SPAG8: variants seen among roughly 807,000 people sequenced by gnomAD.
SPAG8 encodes the protein sperm-associated antigen 8.
A neutral mutation model predicts 45.3 loss-of-function variants in SPAG8; 36 were observed. The observed-to-expected ratio is 0.80, with a 90% confidence interval of 0.61 to 1.05. SPAG8 has a LOEUF of 1.05. SPAG8 is among the 50% of genes least tolerant of loss of function. The probability of loss-of-function intolerance (pLI) is 0.00; values close to 1 mark genes in which losing one functional copy is unlikely to be tolerated. For synonymous variants in SPAG8, 227 were observed against 232.6 expected (o/e 0.98, Z 0.22); for missense variants, 573 against 609.2 (o/e 0.94, Z 0.63).
intron 6 of SPAG8, 33 bp from the exon 7 acceptor site, chr9:35,810,165 C>T (rs371019018): frequency 7.7e-5 from 123 of 1,607,764 alleles, no homozygotes; most frequent in Admixed American, 1.5e-4. Flanking sequence ...ATGGATCCCA[C>T]TCTCCCCAAG....
Position 35,810,915 on chromosome 9 carries a change from T to C in SPAG8, c.1007A>G (p.Gln336Arg), listed in dbSNP as rs773300688. The C allele has an allele frequency of 6.2e-7, 1 of 1,613,924 alleles. No individual in the cohort carries two copies. The highest frequency in any genetic ancestry group is 8.5e-7 in the Non-Finnish European group (1 of 1,179,946). ...TGGCCAATAGACGTTTCCTGGTGGCTGGTACGAGTCTTTCTGGGTGGTGCT... is the reference window on the plus strand; with the variant it reads ...TGGCCAATAGACGTTTCCTGGTGGCCGGTACGAGTCTTTCTGGGTGGTGCT... ...PSSTTQKDSY[Q>R]PPGNVYWPLR... The change falls in exon 3 of 7, where the codon CAG becomes CGG. Residue 336 changes from glutamine to arginine, a missense_variant. Physicochemically the swap from Gln to Arg is conservative, Grantham distance 43. Coordinates refer to ENST00000396638, the MANE Select transcript of SPAG8 (RefSeq NM_001039592.2).
rs141970160 is a variant in SPAG8 at position 35,811,619 on chromosome 9, A to G, written c.427T>C (p.Ser143Pro). 24 of 1,614,064 alleles carry G rather than the reference A, an allele frequency of 1.5e-5. No homozygotes were observed. Among genetic ancestry groups the G allele is most frequent in the Non-Finnish European group, 1.9e-5 (23 of 1,180,008 alleles). Residue 143 changes from serine to proline, a missense_variant, in exon 2 of 7, where the codon TCT becomes CCT. Ser to Pro is a moderately conservative substitution (Grantham distance 74). Transcript: ENST00000396638. ...SNPGPVPGSS[S>P]GPVLGSSSGA... is the part of the protein sequence containing the mutation. ...GAGCTGGAACCAAGAACAGGCCCAG[A>G]GCTAGAGCCTGGAACAGGGCCAGGA... is the stretch of plus-strand genomic sequence containing the variant.
At chr9:35,808,703 C>T (rs763867588), downstream of SPAG8, 2 of 1,613,202 alleles carry the variant, frequency 1.2e-6, no homozygotes, top group East Asian at 4.5e-5. This position sits in a 1 kb window ranked among gnomAD's most constrained non-coding sequence, Gnocchi z 4.0. Flanking sequence ...ACTCTCACTC[C>T]AGCCCTAGTC....
intron 5 of SPAG8, 36 bp downstream of exon 5, chr9:35,810,403 G>A: frequency 6.2e-7 from 1 of 1,608,710 alleles, no homozygotes; most frequent in Non-Finnish European, 8.5e-7. Flanking sequence ...GAGCCCAGCT[G>A]GTGCAAGTGG....
At position 35,811,588 on chromosome 9, in the gene SPAG8, G is replaced by A; in HGVS notation, c.458C>T (p.Ala153Val). The A allele has an allele frequency of 6.2e-7, 1 of 1,613,822 alleles. No homozygotes were observed. The highest frequency in any genetic ancestry group is 1.1e-5 in the South Asian group (1 of 91,048). Residue 153 changes from alanine (A) to valine (V), a missense_variant, in exon 2 of 7, where the codon GCT (alanine) becomes GTT (valine). Coordinates refer to ENST00000396638, the MANE Select transcript of SPAG8 (RefSeq NM_001039592.2). Reference protein sequence around the residue: ...SGPVLGSSSGAGHGSGSGSGP... With the variant: ...SGPVLGSSSGVGHGSGSGSGP... The stretch of plus-strand genomic sequence containing the variant: ...AGAGCCAGAGCCAGAGCCATGGCCA[G>A]CACCTGAGCTGGAACCAAGAACAGG...
Position 35,811,753 on chromosome 9 carries a change from G to T in SPAG8, c.293C>A (p.Ala98Glu), listed in dbSNP as rs575184259. The T allele has an allele frequency of 6.8e-6, 11 of 1,614,236 alleles. No individual in the cohort carries two copies. The African/African-American group carries it at 1.3e-4, about 20-fold the overall frequency. ...TATATTGTGGGTAAAGCCGGGTCCC[G>T]CACAGGGCTCCCCAAGAAGGCTGGG... ...SDPSLLGEPC[A>E]GPGFTHNIAH... The change falls in exon 2 of 7, where the codon GCG becomes GAG. Residue 98 changes from alanine (A) to glutamate (E), a missense_variant. Transcript: ENST00000396638.
rs138285220 is a variant in SPAG8, at chr9:35,810,676, C to A, written c.1046G>T (p.Arg349Leu). Residue 349 changes from arginine (R) to leucine (L), a missense_variant, in exon 4 of 7, where the codon CGT becomes CTT. Coordinates refer to ENST00000396638, the MANE Select transcript of SPAG8 (RefSeq NM_001039592.2). ...CAGGAGCATCTCCAGCATGGCTTCA[C>A]GCTTCCCTGTGAGAGAGTTGGGGGG... ...GNVYWPLRGK[R>L]EAMLEMLLQH... The A allele has an allele frequency of 5.0e-6, 8 of 1,614,028 alleles. No individual in the cohort carries two copies. In the South Asian group the frequency reaches 8.8e-5, roughly 18 times the overall value.
Position 35,812,149 on chromosome 9 carries a change from T to C in SPAG8, c.-2A>G, listed in dbSNP as rs768227653. The C allele has an allele frequency of 1.1e-5, 17 of 1,605,354 alleles. No individual in the cohort carries two copies. Among genetic ancestry groups the C allele is most frequent in the South Asian group, 8.8e-5 (8 of 91,082 alleles). The stretch of plus-strand genomic sequence containing the variant: ...CTCCGTAGACTCGTTGGTCTCCATC[T>C]TCAGACTCCAGCTACTGGGTTGCCA... On this transcript the variant is annotated 5_prime_UTR_variant, in exon 1 of 7. Coordinates refer to ENST00000396638, the MANE Select transcript of SPAG8 (RefSeq NM_001039592.2).
chr9:35,809,146 C>A (rs756247152), downstream of SPAG8: 5 of 1,610,982 alleles, frequency 3.1e-6, no homozygotes, highest in Non-Finnish European at 3.4e-6. The surrounding 1 kb of genome is among the most constrained non-coding windows in gnomAD (Gnocchi z 4.1). Context: ...CCCCATTCCA[C>A]CCACCCCAGC....
downstream of SPAG8, chr9:35,808,519 T>C (rs369313283): frequency 6.1e-5 from 98 of 1,614,058 alleles, no homozygotes; most frequent in South Asian, 1.6e-4. This position sits in a 1 kb window ranked among gnomAD's most constrained non-coding sequence, Gnocchi z 4.0. Context: ...GTGGAGACGA[T>C]TGGGGATGCT....
chr9:35,811,891 G>A lies in SPAG8; in HGVS notation c.155C>T (p.Ala52Val). Residue 52 changes from alanine (A) to valine (V), a missense_variant, in exon 2 of 7, where the codon GCA becomes GTA. Coordinates refer to ENST00000396638, the MANE Select transcript of SPAG8 (RefSeq NM_001039592.2). ...SALAAATAAAAAAASAAAATA... is the reference protein window; with the variant it reads ...SALAAATAAAVAAASAAAATA... Reference sequence around the variant, plus strand: ...AGCTGCAGCAGCTGATGCAGCCGCTGCAGCTGCTGCGGTTGCAGCTGCCAG... The same window carrying A: ...AGCTGCAGCAGCTGATGCAGCCGCTACAGCTGCTGCGGTTGCAGCTGCCAG... 6.2e-7 allele frequency: 1 copy of A among 1,610,070 alleles called. No homozygotes were observed. The highest frequency in any genetic ancestry group is 8.5e-7 in the Non-Finnish European group (1 of 1,177,154).
rs367777687 is a variant in SPAG8, at chr9:35,811,675, T to C, written c.371A>G (p.Asp124Gly). 5.0e-5 allele frequency: 81 copies of C among 1,614,012 alleles called. No homozygotes were observed. The highest frequency in any genetic ancestry group is 6.6e-5 in the Non-Finnish European group (78 of 1,180,032). Residue 124 changes from aspartate to glycine, a missense_variant, in exon 2 of 7, where the codon GAC becomes GGC. Transcript: ENST00000396638. Reference sequence around the variant, plus strand: ...ACTATGGTCAGTTGTAGTGCAAGTGTCCTGAGCAATACAGGAAACATAGAC... The same window carrying C: ...ACTATGGTCAGTTGTAGTGCAAGTGCCCTGAGCAATACAGGAAACATAGAC... ...EPVYVSCIAQ[D>G]TCTTTDHSSN... is the part of the protein sequence containing the mutation.
At chr9:35,808,229 A>G, downstream of SPAG8, 1 of 1,614,160 alleles carries the variant, frequency 6.2e-7, no homozygotes, top group Admixed American at 1.7e-5. The surrounding 1 kb of genome is among the most constrained non-coding windows in gnomAD (Gnocchi z 4.0). Flanking sequence ...TCCTGATGGC[A>G]GAGCCTATTT....
intron 6 of SPAG8, 27 bp downstream of exon 6, chr9:35,810,220 C>T: frequency 5.6e-6 from 9 of 1,613,580 alleles, no homozygotes; most frequent in Non-Finnish European, 7.6e-6. Context: ...CCCGCTCTGC[C>T]CCCAACACCT....
rs370172827 is a variant in SPAG8 at position 35,810,938 on chromosome 9, G to A, written c.984C>T (p.Ser328=). ...TMQLKSPMPS[S]TTQKDSYQPP... is the part of the protein sequence containing the mutation. ...GCTGGTACGAGTCTTTCTGGGTGGT[G>A]CTGGAGGGCATGGGTGACTTTAGTT... Residue 328 remains serine (S), a synonymous_variant, in exon 3 of 7, where the codon AGC becomes AGT. Transcript: ENST00000396638. 5 of 1,613,986 alleles carry A rather than the reference G, an allele frequency of 3.1e-6. No homozygotes were observed. Among genetic ancestry groups the A allele is most frequent in the Non-Finnish European group, 4.2e-6 (5 of 1,180,034 alleles).
In SPAG8 at chr9:35,811,984, G is replaced by C; in HGVS notation, c.62C>G (p.Pro21Arg). The stretch of plus-strand genomic sequence containing the variant: ...AGTGGGCCCCAGTCCTTCGGAGCTG[G>C]GCTGTATGTCTAAAGATCTGAAAGA... ...RSRSRSLDIQ[P>R]SSEGLGPTSE... The change falls in exon 2 of 7, where the codon CCC becomes CGC. Residue 21 changes from proline to arginine, a missense_variant. Transcript: ENST00000396638. The C allele has an allele frequency of 6.2e-7, 1 of 1,603,030 alleles. No individual in the cohort carries two copies. The highest frequency in any genetic ancestry group is 8.5e-7 in the Non-Finnish European group (1 of 1,173,262).
At position 35,810,105 on chromosome 9, in the gene SPAG8, T is replaced by G; in HGVS notation, c.1291A>C (p.Thr431Pro). The G allele has an allele frequency of 6.2e-7, 1 of 1,611,994 alleles. No homozygotes were observed. Among genetic ancestry groups the G allele is most frequent in the South Asian group, 1.1e-5 (1 of 90,710 alleles). Reference sequence around the variant, plus strand: ...AAGCTGCAGTTCTTCCGGAATGGTGTGTCCAATGTCCTGATGTTACTGACA... The same window carrying G: ...AAGCTGCAGTTCTTCCGGAATGGTGGGTCCAATGTCCTGATGTTACTGACA... ...PGVSNIRTLD[T>P]PFRKNCSFST... Residue 431 changes from threonine to proline, a missense_variant, in exon 7 of 7, where the codon ACA becomes CCA. Thr to Pro is a conservative substitution (Grantham distance 38, BLOSUM62 -1). Coordinates refer to ENST00000396638, the MANE Select transcript of SPAG8 (RefSeq NM_001039592.2).
At chr9:35,809,046 G>A, downstream of SPAG8, 1 of 1,141,276 alleles carries the variant, frequency 8.8e-7, no homozygotes, top group Non-Finnish European at 1.3e-6. The surrounding 1 kb of genome is among the most constrained non-coding windows in gnomAD (Gnocchi z 4.1). Context: ...TGCATTGGGA[G>A]CTTCCCAGGG....
In SPAG8 at chr9:35,810,908, T is replaced by C. The variant is rs149629537; in HGVS notation, c.1014A>G (p.Pro338=). The C allele has an allele frequency of 2.8e-5, 45 of 1,613,688 alleles. No homozygotes were observed. Among genetic ancestry groups the C allele is most frequent in the Non-Finnish European group, 3.6e-5 (42 of 1,179,880 alleles). Residue 338 remains proline (P), a synonymous_variant, in exon 3 of 7, where the codon CCA becomes CCG. Coordinates refer to ENST00000396638, the MANE Select transcript of SPAG8 (RefSeq NM_001039592.2). ...CTCGAAGTGGCCAATAGACGTTTCC[T>C]GGTGGCTGGTACGAGTCTTTCTGGG... ...STTQKDSYQP[P]GNVYWPLRGK...
Sources: allele counts gnomAD v4.1 joint callset, GRCh38; gene constraint gnomAD v4.1.1; non-coding constraint Gnocchi (gnomAD v3.1); transcripts MANE v1.5; gene names NCBI Gene and HGNC (gene_info 2026-07-23, HGNC 2026-07-21).